The following ENTREP2 variants were observed in gnomAD, a reference collection of about 807,000 sequenced individuals.
ENTREP2 encodes the protein endosomal transmembrane epsin interactor 2, also known as protein ENTREP2.
the ENTREP2 span, among the ~76,000 whole-genome samples, chr15:29,444,034 G>A: frequency 5.3e-5 from 8 of 152,262 alleles, no homozygotes; most frequent in African/African-American, 1.9e-4. Context: ...AACCTGGGAG[G>A]TGGAGCTTGC....
the ENTREP2 span, among the ~76,000 whole-genome samples, chr15:29,367,921 T>C: frequency 1.4e-5 from 2 of 144,960 alleles, no homozygotes; most frequent in African/African-American, 5.2e-5. Flanking sequence ...CACCACATTA[T>C]ATTAGTGAAA....
the ENTREP2 span, among the ~76,000 whole-genome samples, chr15:29,307,498 C>A: frequency 0.39 from 59,082 of 152,060 alleles, 11,466 homozygotes; most frequent in East Asian, 0.45. Flanking sequence ...ATGAACATAG[C>A]AAAACATTTA....
the ENTREP2 span, among the ~76,000 whole-genome samples, chr15:29,474,580 G>T: frequency 2.0e-5 from 3 of 151,900 alleles, no homozygotes; most frequent in South Asian, 4.2e-4. Flanking sequence ...TTGGAGACAG[G>T]GTCTCACTCC....
At chr15:29,407,466 G>A in the ENTREP2 span, among the ~76,000 whole-genome samples, 4 of 152,100 alleles carry the variant, frequency 2.6e-5, no homozygotes, top group Non-Finnish European at 5.9e-5. Flanking sequence ...ATCAAAAAAT[G>A]AGGGAGCAAA....
At chr15:29,137,006 G>T in the ENTREP2 span, 1 of 1,407,138 alleles carries the variant, frequency 7.1e-7, no homozygotes, top group Non-Finnish European at 9.2e-7. Context: ...TAGTGGTTTC[G>T]AGATGGGGGC....
At chr15:29,478,782 A>G in the ENTREP2 span, among the ~76,000 whole-genome samples, 466 of 148,374 alleles carry the variant, frequency 3.1e-3, 2 homozygotes, top group African/African-American at 0.011. Flanking sequence ...GTGGGCGCCT[A>G]TAATCCCAGC....
chr15:29,477,993 CTATA>C, the ENTREP2 span, among the ~76,000 whole-genome samples: 2,269 of 85,902 alleles, frequency 0.026, 98 homozygotes, highest in Middle Eastern at 0.067. Context: ...TTAAATTTAA[CTATA>C]TATATATATA....
At chr15:29,568,100 G>A in the ENTREP2 span, among the ~76,000 whole-genome samples, 1 of 152,200 alleles carries the variant, frequency 6.6e-6, no homozygotes, top group Non-Finnish European at 1.5e-5. Flanking sequence ...CAACACAGCA[G>A]GAACCAATCA....
At chr15:29,538,846 T>C in the ENTREP2 span, among the ~76,000 whole-genome samples, 2 of 151,984 alleles carry the variant, frequency 1.3e-5, no homozygotes, top group Admixed American at 1.3e-4. Context: ...TGCACCTACA[T>C]TGATAATTTT....
chr15:29,189,882 G>C, the ENTREP2 span, among the ~76,000 whole-genome samples: 9 of 152,294 alleles, frequency 5.9e-5, no homozygotes, highest in South Asian at 1.9e-3. Context: ...CAAAAGCCGA[G>C]ACACTGTTTC....
At chr15:29,483,599 T>C in the ENTREP2 span, among the ~76,000 whole-genome samples, 22 of 152,342 alleles carry the variant, frequency 1.4e-4, no homozygotes, top group African/African-American at 4.3e-4. Flanking sequence ...GTTCCATGTT[T>C]CAGATATTAG....
At chr15:29,135,880 TGATCAA>T in the ENTREP2 span, among the ~76,000 whole-genome samples, 3 of 152,138 alleles carry the variant, frequency 2.0e-5, no homozygotes, top group East Asian at 5.8e-4. This position sits in a 1 kb window ranked among gnomAD's most constrained non-coding sequence, Gnocchi z 7.4. Context: ...TGGCAGTGTG[TGATCAA>T]GACAGGCCGG....
chr15:29,212,097 G>A, the ENTREP2 span, among the ~76,000 whole-genome samples: 29 of 151,910 alleles, frequency 1.9e-4, no homozygotes, highest in East Asian at 3.9e-4. Flanking sequence ...CTGTGAATCC[G>A]TCTGGTCCTG....
the ENTREP2 span, among the ~76,000 whole-genome samples, chr15:29,342,042 T>C: frequency 1.3e-5 from 2 of 152,140 alleles, no homozygotes; most frequent in African/African-American, 2.4e-5. Flanking sequence ...ATGTTGCAAG[T>C]AGAAAAGACC....
At chr15:29,414,737 T>C in the ENTREP2 span, among the ~76,000 whole-genome samples, 1 of 151,940 alleles carries the variant, frequency 6.6e-6, no homozygotes, top group South Asian at 2.1e-4. Flanking sequence ...ATCAACAAAA[T>C]TGACAGACTG....
At chr15:29,564,918 G>T in the ENTREP2 span, among the ~76,000 whole-genome samples, 377 of 152,210 alleles carry the variant, frequency 2.5e-3, 1 homozygote, top group Non-Finnish European at 3.9e-3. Context: ...GAGTTCAGGG[G>T]AGACTGAAAA....
At chr15:29,344,656 TG>T in the ENTREP2 span, among the ~76,000 whole-genome samples, 4 of 150,678 alleles carry the variant, frequency 2.7e-5, no homozygotes, top group African/African-American at 9.8e-5. Flanking sequence ...AGAGGTGGAG[TG>T]GGGAGGAGTG....
At chr15:29,456,342 G>A in the ENTREP2 span, among the ~76,000 whole-genome samples, 20 of 152,316 alleles carry the variant, frequency 1.3e-4, no homozygotes, top group African/African-American at 4.8e-4. Flanking sequence ...TAATCTGACT[G>A]CATGGAAGAG....
the ENTREP2 span, among the ~76,000 whole-genome samples, chr15:29,387,635 G>A: frequency 2.0e-5 from 3 of 151,952 alleles, no homozygotes. Flanking sequence ...AGTTCATATG[G>A]AACCAAAAAA....
Sources: gnomAD v4.1 joint callset for allele counts (sites outside exome capture counted in the v4.1 genomes callset) on GRCh38, gnomAD v4.1.1 for gene constraint, Gnocchi (gnomAD v3.1) non-coding constraint, MANE v1.5 for transcripts, NCBI Gene and HGNC (gene_info 2026-07-23, HGNC 2026-07-21) for gene names.